USP32: variants seen among roughly 807,000 people sequenced by gnomAD.
USP32 encodes ubiquitin specific peptidase 32, also known as ubiquitin carboxyl-terminal hydrolase 32.
Under a neutral mutation model 204.8 loss-of-function variants are expected in USP32, and 59 were observed. The observed-to-expected ratio is 0.29, with a 90% CI of 0.23 to 0.36. USP32 has a LOEUF of 0.36. Ranked by LOEUF, USP32 falls within the 10% of genes least tolerant of loss-of-function variation. USP32 has a pLI of 1.00. For synonymous variants in USP32, 517 were observed against 678.4 expected, an observed-to-expected ratio of 0.76 and a Z score of 3.70; for missense variants, 1,160 against 1,946.4, an observed-to-expected ratio of 0.60 and a Z score of 7.60.
At chr17:60,237,284 G>C (rs894262439) in intron 11 of USP32, among the ~76,000 whole-genome samples, 8 of 150,666 alleles carry the variant, frequency 5.3e-5, no homozygotes, top group African/African-American at 9.9e-5. Flanking sequence ...GGGACTACAG[G>C]TGTGTGCTAT....
At chr17:60,317,678 T>C (rs962371777) in intron 2 of USP32, among the ~76,000 whole-genome samples, 1 of 151,958 alleles carries the variant, frequency 6.6e-6, no homozygotes, top group East Asian at 1.9e-4. Context: ...TAGCTAGGTG[T>C]AGTGCCATGC....
intron 1 of USP32, among the ~76,000 whole-genome samples, chr17:60,346,059 T>C (rs989986962): frequency 7.2e-5 from 11 of 152,098 alleles, no homozygotes; most frequent in Non-Finnish European, 1.3e-4. Context: ...AATAAAACTC[T>C]ATGACATTTA....
At chr17:60,256,705 ATGCC>A (rs2086316309) in intron 9 of USP32, 5 of 1,129,404 alleles carry the variant, frequency 4.4e-6, no homozygotes, top group Non-Finnish European at 5.5e-6. Flanking sequence ...AGGAACATCA[ATGCC>A]TGCACCACGG....
chr17:60,231,253 C>T (rs2085540891), intron 12 of USP32, among the ~76,000 whole-genome samples: 1 of 152,136 alleles, frequency 6.6e-6, no homozygotes, highest in Non-Finnish European at 1.5e-5. Context: ...AGGTATGTTA[C>T]AAGAATCAAT....
In USP32 at chr17:60,178,632, C is replaced by T. The variant is rs1322822956; in HGVS notation, c.*623G>A. Reference sequence around the variant, plus strand: ...GACTGACCACTATATGCCCCTGCCACCAATGACTGGTTGTGTCTCAAACAT... The same window carrying T: ...GACTGACCACTATATGCCCCTGCCATCAATGACTGGTTGTGTCTCAAACAT... On this transcript the variant is annotated 3_prime_UTR_variant, in exon 34 of 34. Transcript: ENST00000300896. Among the ~76,000 whole-genome samples, 4 of 152,120 alleles carry T rather than the reference C, an allele frequency of 2.6e-5. No homozygotes were observed. Among genetic ancestry groups the T allele is most frequent in the Non-Finnish European group, 5.9e-5 (4 of 68,016 alleles).
At chr17:60,251,830 G>C (rs186633179) in intron 11 of USP32, among the ~76,000 whole-genome samples, 1 of 152,056 alleles carries the variant, frequency 6.6e-6, no homozygotes, top group East Asian at 1.9e-4. Flanking sequence ...GAACAGGAAT[G>C]CTAGCCAATC....
upstream of USP32, among the ~76,000 whole-genome samples, chr17:60,393,973 C>T (rs888011784): frequency 6.6e-6 from 1 of 152,146 alleles, no homozygotes; most frequent in African/African-American, 2.4e-5. Flanking sequence ...CGTGAGCCAC[C>T]GCGCCCCACC....
intron 5 of USP32, among the ~76,000 whole-genome samples, chr17:60,283,335 G>A (rs2087019941): frequency 6.6e-6 from 1 of 152,168 alleles, no homozygotes; most frequent in Non-Finnish European, 1.5e-5. Flanking sequence ...GAAACTAAGA[G>A]ACTCTGAAGC....
chr17:60,181,699 T>C lies in USP32; in HGVS notation c.4173A>G (p.Lys1391=). The C allele has an allele frequency of 6.2e-7, 1 of 1,611,108 alleles. No individual in the cohort carries two copies. Residue 1391 remains lysine (K), a synonymous_variant, in exon 32 of 34, where the codon AAA becomes AAG. Coordinates refer to ENST00000300896, the MANE Select transcript of USP32 (RefSeq NM_032582.4). ...RKSGTSCPSS[K]NSSPNSSPRT... is the part of the protein sequence containing the mutation. Reference sequence around the variant, plus strand: ...GTGGGCTGCTATTAGGGCTGCTGTTTTTGCTGGAGGGACAGCTGGTTCCAC... The same window carrying C: ...GTGGGCTGCTATTAGGGCTGCTGTTCTTGCTGGAGGGACAGCTGGTTCCAC...
At chr17:60,386,573 G>C (rs2089735275) in intron 1 of USP32, among the ~76,000 whole-genome samples, 1 of 152,238 alleles carries the variant, frequency 6.6e-6, no homozygotes, top group African/African-American at 2.4e-5. Context: ...GAAAATATCT[G>C]GCTATGGGTT....
At chr17:60,212,244 G>T in intron 18 of USP32, 146 bp from the exon 19 acceptor site, 3 of 675,820 alleles carry the variant, frequency 4.4e-6, no homozygotes, top group Non-Finnish European at 7.6e-6. Context: ...TTAACGACGA[G>T]GTTATATTCT....
chr17:60,363,517 C>CA (rs774220831), intron 1 of USP32, among the ~76,000 whole-genome samples: 6,415 of 133,086 alleles, frequency 0.048, 508 homozygotes, highest in African/African-American at 0.16. Context: ...GACTCTGTCT[C>CA]AAAAAAAAAA....
chr17:60,263,272 A>T (rs769701356), intron 9 of USP32, among the ~76,000 whole-genome samples: 2 of 152,206 alleles, frequency 1.3e-5, no homozygotes, highest in Non-Finnish European at 1.5e-5. Context: ...AGCCCTGATC[A>T]CACTTGTCTA....
At chr17:60,237,857 C>G (rs1387921291) in intron 11 of USP32, among the ~76,000 whole-genome samples, 1 of 152,126 alleles carries the variant, frequency 6.6e-6, no homozygotes, top group Non-Finnish European at 1.5e-5. Flanking sequence ...ACTGTTTCTA[C>G]CTTTTGGCTA....
At chr17:60,298,965 CAAAAT>C (rs1464336949) in intron 3 of USP32, among the ~76,000 whole-genome samples, 6 of 152,156 alleles carry the variant, frequency 3.9e-5, no homozygotes, top group African/African-American at 1.4e-4. Flanking sequence ...TCTACAAAAA[CAAAAT>C]AAAGAAAATA....
intron 3 of USP32, 85 bp from the exon 4 acceptor site, chr17:60,294,886 A>G (rs1157662428): frequency 2.6e-6 from 2 of 779,938 alleles, no homozygotes; most frequent in Non-Finnish European, 4.2e-6. Context: ...ACAAAGCTAC[A>G]ATAACTGAGT....
At position 60,294,775 on chromosome 17, in the gene USP32, A is replaced by G; in HGVS notation, c.319T>C (p.Ser107Pro). 6.2e-7 allele frequency: 1 copy of G among 1,610,818 alleles called. No individual in the cohort carries two copies. Among genetic ancestry groups the G allele is most frequent in the Non-Finnish European group, 8.5e-7 (1 of 1,178,366 alleles). Residue 107 changes from serine (S) to proline (P), a missense_variant, in exon 4 of 34, where the codon TCT becomes CCT. Transcript: ENST00000300896. ...TCTTCCCGTATAACATAGTTCCCAG[A>G]TTCACTTGAAAAAAGACTAAAAATG... ...KYIFSLFSSE[S>P]GNYVIREEME...
chr17:60,274,208 T>C lies in USP32; in HGVS notation c.572-2727A>G, dbSNP rs542438419. Among the ~76,000 whole-genome samples, 3 of 152,116 alleles carry C rather than the reference T, an allele frequency of 2.0e-5. No homozygotes were observed. In the South Asian group the frequency reaches 6.2e-4, roughly 32 times the overall value. On this transcript the variant is annotated intron_variant, in intron 5 of 33. Coordinates refer to ENST00000300896, the MANE Select transcript of USP32 (RefSeq NM_032582.4). The stretch of plus-strand genomic sequence containing the variant: ...GAGGACTTAACAGCCAATTATAAAC[T>C]AGACAGGAAAGATTAGTGAGCTTGA...
chr17:60,242,594 A>G (rs2085907866), intron 11 of USP32, among the ~76,000 whole-genome samples: 1 of 152,062 alleles, frequency 6.6e-6, no homozygotes, highest in African/African-American at 2.4e-5. Flanking sequence ...TGTTTTTAGT[A>G]GAGATAGGGT....
Sources: allele counts gnomAD v4.1 joint callset (sites outside exome capture counted in the v4.1 genomes callset), GRCh38; gene constraint gnomAD v4.1.1; transcripts MANE v1.5; gene names NCBI Gene and HGNC (gene_info 2026-07-23, HGNC 2026-07-21).